Variants in RSU1 observed in about 807,000 individuals in gnomAD.
The protein encoded by RSU1 is rsu-1.
A neutral mutation model predicts 31.1 loss-of-function variants in RSU1; 26 were observed. That is an observed-to-expected ratio of 0.84 (90% confidence interval 0.61 to 1.16). RSU1 has a LOEUF of 1.16. Ranked by LOEUF, RSU1 falls within the 50% of genes most tolerant of loss-of-function variation. The probability of loss-of-function intolerance (pLI) is 0.00; values close to 1 mark genes in which losing one functional copy is unlikely to be tolerated. For synonymous variants in RSU1, 164 were observed against 136.3 expected, an observed-to-expected ratio of 1.20 and a Z score of -1.41; for missense variants, 320 against 339.1, an observed-to-expected ratio of 0.94 and a Z score of 0.44.
At chr10:16,615,538 T>A (rs967104262) in intron 8 of RSU1, among the ~76,000 whole-genome samples, 1 of 152,178 alleles carries the variant, frequency 6.6e-6, no homozygotes, top group Non-Finnish European at 1.5e-5. Context: ...GTGCACCTAA[T>A]AGACATCTAC....
chr10:16,646,395 ATCC>A, intron 8 of RSU1, among the ~76,000 whole-genome samples: 1 of 152,128 alleles, frequency 6.6e-6, no homozygotes, highest in East Asian at 1.9e-4. Flanking sequence ...TCATCCTGGT[ATCC>A]TCCTTCTTGG....
chr10:16,738,460 G>T (rs1440836871), intron 7 of RSU1, among the ~76,000 whole-genome samples: 2 of 151,852 alleles, frequency 1.3e-5, no homozygotes, highest in African/African-American at 4.8e-5. Flanking sequence ...CAAAAAAAAA[G>T]AAGAAAAACT....
At chr10:16,760,423 C>A (rs1473170867) in intron 4 of RSU1, among the ~76,000 whole-genome samples, 1 of 150,634 alleles carries the variant, frequency 6.6e-6, no homozygotes, top group African/African-American at 2.4e-5. Context: ...GCAGGAGAAT[C>A]GTTTGAACCC....
At chr10:16,790,329 C>T (rs899803607) in intron 2 of RSU1, among the ~76,000 whole-genome samples, 5 of 152,048 alleles carry the variant, frequency 3.3e-5, no homozygotes, top group African/African-American at 1.2e-4. Flanking sequence ...ACCAGCTGTC[C>T]CTCTAAAAAA....
chr10:16,639,623 G>T (rs574431023), intron 8 of RSU1, among the ~76,000 whole-genome samples: 1 of 152,194 alleles, frequency 6.6e-6, no homozygotes. Flanking sequence ...GTCATTTGTT[G>T]ACTGATGAGA....
chr10:16,694,666 G>A (rs4459187), intron 8 of RSU1, among the ~76,000 whole-genome samples: 52,933 of 151,948 alleles, frequency 0.35, 9,490 homozygotes, highest in Middle Eastern at 0.43. Flanking sequence ...AATGTCCTGG[G>A]CTCAAGTGAT....
chr10:16,773,711 T>C (rs1020911689), intron 3 of RSU1, among the ~76,000 whole-genome samples: 2 of 152,176 alleles, frequency 1.3e-5, no homozygotes, highest in African/African-American at 4.8e-5. Flanking sequence ...GAAGTTATTA[T>C]ATAGGTGTTG....
chr10:16,806,864 CT>C (rs1344209163), intron 2 of RSU1, among the ~76,000 whole-genome samples: 1 of 152,206 alleles, frequency 6.6e-6, no homozygotes, highest in African/African-American at 2.4e-5. Context: ...AGTGATTCTC[CT>C]GCCTCAGCCT....
chr10:16,768,921 C>T (rs546221025), intron 3 of RSU1, among the ~76,000 whole-genome samples: 6 of 152,282 alleles, frequency 3.9e-5, no homozygotes, highest in African/African-American at 7.2e-5. Context: ...AGTCCATCTG[C>T]GTGAAATACT....
intron 2 of RSU1, among the ~76,000 whole-genome samples, chr10:16,801,854 G>C (rs1001978599): frequency 5.3e-5 from 8 of 151,940 alleles, no homozygotes; most frequent in Non-Finnish European, 7.4e-5. Flanking sequence ...CTACTTATCA[G>C]AATTTGTGAA....
Position 16,727,552 on chromosome 10 carries a change from C to T in RSU1, c.598+24987G>A, listed in dbSNP as rs187231354. ...CAAAATCTGTGTCTCTAAAAATATA[C>T]AAAATGTCCAACTCGGGCCACTGTT... On this transcript the variant is annotated intron_variant, in intron 7 of 8. Coordinates refer to ENST00000345264, the MANE Select transcript of RSU1 (RefSeq NM_012425.4). Among the ~76,000 whole-genome samples, 15 of 152,174 alleles carry T rather than the reference C, an allele frequency of 9.9e-5. No homozygotes were observed. The East Asian group carries it at 1.5e-3, about 16-fold the overall frequency.
intron 8 of RSU1, among the ~76,000 whole-genome samples, chr10:16,663,834 T>G (rs1195722929): frequency 6.6e-6 from 1 of 152,084 alleles, no homozygotes; most frequent in Non-Finnish European, 1.5e-5. Context: ...ATGCTGTAAA[T>G]GAGATGAAAT....
chr10:16,724,933 G>A (rs191874398), intron 7 of RSU1, among the ~76,000 whole-genome samples: 1 of 152,180 alleles, frequency 6.6e-6, no homozygotes, highest in African/African-American at 2.4e-5. Flanking sequence ...CATACTGAAT[G>A]GTTCCGTTCA....
intron 8 of RSU1, among the ~76,000 whole-genome samples, chr10:16,655,176 C>A (rs1285449342): frequency 6.6e-6 from 1 of 151,666 alleles, no homozygotes; most frequent in South Asian, 2.1e-4. Context: ...TCACTTGCTT[C>A]AATTCAATTG....
intron 2 of RSU1, among the ~76,000 whole-genome samples, chr10:16,815,056 T>C (rs1564367703): frequency 1.3e-5 from 2 of 152,252 alleles, no homozygotes; most frequent in Non-Finnish European, 1.5e-5. Flanking sequence ...ATGCATCATC[T>C]TCCCTATCCC....
At chr10:16,625,283 G>C (rs1210538362) in intron 8 of RSU1, among the ~76,000 whole-genome samples, 1 of 152,128 alleles carries the variant, frequency 6.6e-6, no homozygotes, top group Admixed American at 6.6e-5. Flanking sequence ...AAGAGCTTCT[G>C]TCTCGTGGGG....
At chr10:16,600,065 C>T (rs187292773) in intron 8 of RSU1, among the ~76,000 whole-genome samples, 8 of 152,236 alleles carry the variant, frequency 5.3e-5, no homozygotes, top group Admixed American at 2.0e-4. Context: ...GGGAAAAAAA[C>T]GAGAAACCGC....
rs188868154 is a variant in RSU1 at position 16,622,261 on chromosome 10, C to T, written c.732-28765G>A. Among the ~76,000 whole-genome samples, 17 of 152,310 alleles carry T rather than the reference C, an allele frequency of 1.1e-4. No individual in the cohort carries two copies. In the East Asian group the frequency reaches 2.9e-3, roughly 26 times the overall value. On this transcript the variant is annotated intron_variant, in intron 8 of 8. Coordinates refer to ENST00000345264, the MANE Select transcript of RSU1 (RefSeq NM_012425.4). The stretch of plus-strand genomic sequence containing the variant: ...AGATTCAACTGGAGGCTGATGATGA[C>T]GTGAGGTCAACAAACTTCTCCAAGC...
intron 8 of RSU1, among the ~76,000 whole-genome samples, chr10:16,604,874 T>C (rs1833774845): frequency 6.6e-6 from 1 of 152,072 alleles, no homozygotes; most frequent in South Asian, 2.1e-4. Flanking sequence ...AGGCCTCACA[T>C]GGGAGCTCAA....
Sources: gnomAD v4.1 joint callset for allele counts (sites outside exome capture counted in the v4.1 genomes callset) on GRCh38, gnomAD v4.1.1 for gene constraint, MANE v1.5 for transcripts, NCBI Gene and HGNC (gene_info 2026-07-23, HGNC 2026-07-21) for gene names.